TMEM132D: variants seen among roughly 807,000 people sequenced by gnomAD.
The protein encoded by TMEM132D is mature OL transmembrane protein.
Under a neutral mutation model 62.3 loss-of-function variants are expected in TMEM132D, and 21 were observed. That is an observed-to-expected ratio of 0.34 (90% CI 0.24 to 0.49). TMEM132D has a LOEUF of 0.49. TMEM132D is among the 20% of genes least tolerant of loss of function. TMEM132D has a pLI of 0.99. For synonymous variants in TMEM132D, 621 were observed against 575.6 expected (o/e 1.08, Z -1.13); for missense variants, 1,346 against 1,402.8 (o/e 0.96, Z 0.65).
At chr12:129,127,490 T>C (rs527995579) in intron 5 of TMEM132D, among the ~76,000 whole-genome samples, 1 of 152,178 alleles carries the variant, frequency 6.6e-6, no homozygotes, top group African/African-American at 2.4e-5. Context: ...TCTTTGTTCA[T>C]ATATGAACGA....
chr12:129,547,466 T>C (rs925328533), intron 2 of TMEM132D, among the ~76,000 whole-genome samples: 1 of 152,098 alleles, frequency 6.6e-6, no homozygotes, highest in Admixed American at 6.5e-5. Context: ...TGTGACCTCA[T>C]CTGAACCTAA....
At chr12:129,275,995 T>C (rs1168961204) in intron 4 of TMEM132D, among the ~76,000 whole-genome samples, 1 of 152,066 alleles carries the variant, frequency 6.6e-6, no homozygotes, top group Non-Finnish European at 1.5e-5. Flanking sequence ...TTCAATCTCT[T>C]ATCCCGCAGT....
chr12:129,648,964 A>C (rs570537564), intron 2 of TMEM132D, among the ~76,000 whole-genome samples: 1 of 152,206 alleles, frequency 6.6e-6, no homozygotes, highest in Admixed American at 6.5e-5. Context: ...AGCACACTTC[A>C]GAGTTCCAAC....
At chr12:129,848,274 C>T (rs263302) in intron 1 of TMEM132D, among the ~76,000 whole-genome samples, 151,398 of 152,320 alleles carry the variant, frequency 0.99, 75,246 homozygotes, top group Middle Eastern at 1. Flanking sequence ...TTAGAAATCA[C>T]CACAGCGATT....
intron 1 of TMEM132D, among the ~76,000 whole-genome samples, chr12:129,724,552 C>G (rs150563841): frequency 6.6e-6 from 1 of 152,120 alleles, no homozygotes; most frequent in Non-Finnish European, 1.5e-5. Flanking sequence ...GATGGAGTCT[C>G]GCTCTTGTCG....
At chr12:129,113,868 G>A (rs1189307667) in intron 5 of TMEM132D, among the ~76,000 whole-genome samples, 3 of 152,038 alleles carry the variant, frequency 2.0e-5, no homozygotes, top group Non-Finnish European at 4.4e-5. Context: ...AAGACCAGGG[G>A]CCCACTTGCA....
At chr12:129,137,306 A>G (rs1436809732) in intron 5 of TMEM132D, among the ~76,000 whole-genome samples, 1 of 152,208 alleles carries the variant, frequency 6.6e-6, no homozygotes, top group Non-Finnish European at 1.5e-5. Context: ...CACTATCACC[A>G]TCACCATCAT....
chr12:129,724,169 G>C (rs1372178485), intron 1 of TMEM132D, among the ~76,000 whole-genome samples: 2 of 152,176 alleles, frequency 1.3e-5, no homozygotes, highest in African/African-American at 4.8e-5. Context: ...CTGGGTCCCT[G>C]AATGTTTCTG....
At chr12:129,578,417 T>C (rs867003546) in intron 2 of TMEM132D, among the ~76,000 whole-genome samples, 3 of 151,110 alleles carry the variant, frequency 2.0e-5, no homozygotes, top group Non-Finnish European at 2.9e-5. Flanking sequence ...TATGTGTGTG[T>C]GTGTGTGTAT....
chr12:129,389,764 A>G (rs1871245188), intron 3 of TMEM132D, among the ~76,000 whole-genome samples: 1 of 152,220 alleles, frequency 6.6e-6, no homozygotes, highest in Admixed American at 6.5e-5. Flanking sequence ...TACTCACTTC[A>G]TTCATAAACA....
At chr12:129,558,137 G>A (rs1360744625) in intron 2 of TMEM132D, among the ~76,000 whole-genome samples, 1 of 152,142 alleles carries the variant, frequency 6.6e-6, no homozygotes, top group Non-Finnish European at 1.5e-5. Context: ...GATGTTTATA[G>A]GGACAGGCAA....
intron 5 of TMEM132D, among the ~76,000 whole-genome samples, chr12:129,192,758 C>T (rs1778363010): frequency 6.6e-6 from 1 of 152,162 alleles, no homozygotes; most frequent in South Asian, 2.1e-4. Context: ...GTTGCACACT[C>T]AGATACATTT....
At chr12:129,671,866 G>A (rs558880877) in intron 2 of TMEM132D, among the ~76,000 whole-genome samples, 1 of 152,304 alleles carries the variant, frequency 6.6e-6, no homozygotes, top group South Asian at 2.1e-4. Context: ...TGGTAGAATG[G>A]CTTGGATTCT....
At chr12:129,895,576 G>A (rs1029148775) in intron 1 of TMEM132D, among the ~76,000 whole-genome samples, 11 of 152,246 alleles carry the variant, frequency 7.2e-5, no homozygotes, top group African/African-American at 2.7e-4. Context: ...TGGCTGCCAG[G>A]AAAAGATTCT....
Position 129,308,598 on chromosome 12 carries a change from A to T in TMEM132D, c.1299+29036T>A, listed in dbSNP as rs75787121. Among the ~76,000 whole-genome samples the T allele has an allele frequency of 9.6e-3, 1,462 of 152,338 alleles. 32 individuals are homozygous for T. Among genetic ancestry groups the T allele is most frequent in the African/African-American group, 0.033 (1,375 of 41,580 alleles). On this transcript the variant is annotated intron_variant, in intron 4 of 8. Coordinates refer to ENST00000422113, the MANE Select transcript of TMEM132D (RefSeq NM_133448.3). ...CGATGACCCATTGCCTTGTTTAGAA[A>T]TCATAAATTGAATATAGAGGCAAAA...
At chr12:129,358,813 T>C (rs2135673062) in intron 3 of TMEM132D, among the ~76,000 whole-genome samples, 1 of 152,218 alleles carries the variant, frequency 6.6e-6, no homozygotes, top group South Asian at 2.1e-4. Context: ...GAGAAGGAAC[T>C]GCAGGCACAA....
At chr12:129,095,617 G>T (rs767159739) in intron 5 of TMEM132D, among the ~76,000 whole-genome samples, 16 of 152,152 alleles carry the variant, frequency 1.1e-4, no homozygotes, top group Non-Finnish European at 1.5e-4. Context: ...CTCCCAAAGT[G>T]CTGGGATTAT....
chr12:129,250,283 A>G (rs1196816808), intron 4 of TMEM132D, among the ~76,000 whole-genome samples: 3 of 152,182 alleles, frequency 2.0e-5, no homozygotes, highest in Non-Finnish European at 4.4e-5. Context: ...TGACATCACA[A>G]TGTATGTATC....
intron 2 of TMEM132D, among the ~76,000 whole-genome samples, chr12:129,555,630 AAAGAT>A (rs2137109301): frequency 1.3e-5 from 2 of 152,344 alleles, no homozygotes; most frequent in East Asian, 3.9e-4. Flanking sequence ...ATTGTCAGGG[AAAGAT>A]AAGTGTGACA....
Sources: gnomAD v4.1 joint callset for allele counts (sites outside exome capture counted in the v4.1 genomes callset) on GRCh38, gnomAD v4.1.1 for gene constraint, MANE v1.5 for transcripts, NCBI Gene and HGNC (gene_info 2026-07-23, HGNC 2026-07-21) for gene names.